Variants in CSMD1 observed in about 807,000 individuals in gnomAD.
CSMD1 encodes CUB and sushi domain-containing protein 1.
In CSMD1, 213 loss-of-function variants were observed where a neutral mutation model predicts 417.5. The observed-to-expected ratio is 0.51, with a 90% CI of 0.46 to 0.57. CSMD1 has a LOEUF of 0.57. Among genes scored for constraint, CSMD1 ranks in the 20% least tolerant of loss-of-function variants. The pLI, the probability that CSMD1 is intolerant of heterozygous loss-of-function variation, is 0.00. For missense variants in CSMD1, 6,923 were observed against 4,529.7 expected, an observed-to-expected ratio of 1.53 and a Z score of -15.17; for synonymous variants, 2,862 against 1,736.8, an observed-to-expected ratio of 1.65 and a Z score of -16.11.
chr8:3,316,729 G>A (rs967880687), intron 23 of CSMD1, among the ~76,000 whole-genome samples: 5 of 152,258 alleles, frequency 3.3e-5, no homozygotes, highest in Middle Eastern at 3.4e-3. Flanking sequence ...GACAGGAAAG[G>A]TCACGGGAAA....
At chr8:4,977,775 T>C (rs1367389916) in intron 1 of CSMD1, among the ~76,000 whole-genome samples, 2 of 152,192 alleles carry the variant, frequency 1.3e-5, no homozygotes, top group East Asian at 1.9e-4. Context: ...GATGAATGCA[T>C]TGAAAGTGAA....
intron 7 of CSMD1, among the ~76,000 whole-genome samples, chr8:3,644,629 C>A (rs1481595174): frequency 6.6e-6 from 1 of 152,074 alleles, no homozygotes; most frequent in Non-Finnish European, 1.5e-5. Flanking sequence ...CTGTGCCAGA[C>A]CCCTATTACC....
chr8:3,182,748 T>A (rs1821443409), intron 36 of CSMD1, among the ~76,000 whole-genome samples: 1 of 120,926 alleles, frequency 8.3e-6, no homozygotes, highest in Non-Finnish European at 1.8e-5. Context: ...TATAAGAAGC[T>A]CTGTGTGTGT....
At chr8:3,662,769 C>T (rs532036868) in intron 7 of CSMD1, among the ~76,000 whole-genome samples, 3 of 152,002 alleles carry the variant, frequency 2.0e-5, no homozygotes, top group East Asian at 1.9e-4. Flanking sequence ...TGTTCTCACT[C>T]ATAAGTGGGG....
intron 4 of CSMD1, among the ~76,000 whole-genome samples, chr8:4,005,978 C>G (rs1816079494): frequency 2.0e-5 from 3 of 152,046 alleles, no homozygotes; most frequent in South Asian, 4.2e-4. Flanking sequence ...AAAACTAATT[C>G]TCTACTAGAA....
At chr8:3,355,289 T>A (rs975502291) in intron 21 of CSMD1, among the ~76,000 whole-genome samples, 1 of 152,180 alleles carries the variant, frequency 6.6e-6, no homozygotes, top group African/African-American at 2.4e-5. Flanking sequence ...TTTGTTCAAA[T>A]AATTCTGAAA....
At chr8:3,218,653 C>A (rs764149880) in intron 29 of CSMD1, among the ~76,000 whole-genome samples, 16 of 151,768 alleles carry the variant, frequency 1.1e-4, no homozygotes, top group Admixed American at 9.8e-4. Flanking sequence ...AGGTGGATCA[C>A]CTGAGGTCAG....
At chr8:3,668,945 C>A (rs1305491675) in intron 7 of CSMD1, among the ~76,000 whole-genome samples, 1 of 152,150 alleles carries the variant, frequency 6.6e-6, no homozygotes, top group Non-Finnish European at 1.5e-5. Flanking sequence ...GTGACAGAAA[C>A]AGGAAAGATG....
intron 39 of CSMD1, among the ~76,000 whole-genome samples, chr8:3,151,902 T>A (rs1301411815): frequency 6.6e-6 from 1 of 152,214 alleles, no homozygotes; most frequent in Non-Finnish European, 1.5e-5. Flanking sequence ...TTACTGTGCC[T>A]AGATAAATAC....
intron 3 of CSMD1, among the ~76,000 whole-genome samples, chr8:4,057,749 T>C (rs1296520536): frequency 9.2e-5 from 14 of 152,106 alleles, no homozygotes; most frequent in East Asian, 5.8e-4. Context: ...GCTTTCTACA[T>C]ATGGCTAGCC....
At chr8:4,623,396 G>A (rs998609817) in intron 2 of CSMD1, among the ~76,000 whole-genome samples, 1 of 152,054 alleles carries the variant, frequency 6.6e-6, no homozygotes, top group Non-Finnish European at 1.5e-5. Flanking sequence ...AATTTAAAAT[G>A]GGACTACCAG....
At chr8:3,213,196 A>G (rs1404563395) in intron 30 of CSMD1, among the ~76,000 whole-genome samples, 2 of 152,204 alleles carry the variant, frequency 1.3e-5, no homozygotes, top group South Asian at 2.1e-4. Context: ...CTGTCTTAAG[A>G]AAAACACATT....
chr8:4,741,731 G>T (rs909054490), intron 1 of CSMD1, among the ~76,000 whole-genome samples: 1 of 152,102 alleles, frequency 6.6e-6, no homozygotes, highest in African/African-American at 2.4e-5. Flanking sequence ...TGACATAGTA[G>T]CTTGTTAGAA....
At chr8:4,684,026 A>G (rs1993869) in intron 1 of CSMD1, among the ~76,000 whole-genome samples, 84,467 of 152,098 alleles carry the variant, frequency 0.56, 23,638 homozygotes, top group Admixed American at 0.67. Context: ...ATGGTTGTAC[A>G]TCAGTATGAT....
At chr8:3,814,431 G>T (rs986859683) in intron 5 of CSMD1, among the ~76,000 whole-genome samples, 1 of 152,176 alleles carries the variant, frequency 6.6e-6, no homozygotes, top group African/African-American at 2.4e-5. Context: ...GTCATCTCTA[G>T]AGCATGACAG....
intron 8 of CSMD1, among the ~76,000 whole-genome samples, chr8:3,601,573 A>C (rs752588974): frequency 6.6e-6 from 1 of 152,162 alleles, no homozygotes; most frequent in Non-Finnish European, 1.5e-5. Flanking sequence ...AGTTACCTAC[A>C]CTAGTCACCA....
At chr8:3,139,026 C>T (rs1006581364) in intron 41 of CSMD1, among the ~76,000 whole-genome samples, 3 of 152,088 alleles carry the variant, frequency 2.0e-5, no homozygotes, top group African/African-American at 4.8e-5. Context: ...GGGAGGCAGC[C>T]GCAGATTCCA....
chr8:4,605,566 C>G (rs529268210), intron 2 of CSMD1, among the ~76,000 whole-genome samples: 2 of 152,300 alleles, frequency 1.3e-5, no homozygotes, highest in South Asian at 2.1e-4. Flanking sequence ...TATCTTTTCT[C>G]TAAAGACTTT....
At chr8:4,074,590 C>A (rs965149254) in intron 3 of CSMD1, among the ~76,000 whole-genome samples, 13 of 152,090 alleles carry the variant, frequency 8.5e-5, no homozygotes, top group Non-Finnish European at 1.8e-4. Flanking sequence ...TATTCTACCA[C>A]AAATCATTTC....
Sources: allele counts gnomAD v4.1 joint callset (sites outside exome capture counted in the v4.1 genomes callset), GRCh38; gene constraint gnomAD v4.1.1; transcripts MANE v1.5; gene names NCBI Gene and HGNC (gene_info 2026-07-23, HGNC 2026-07-21).